OGFOD1: variants seen among roughly 807,000 people sequenced by gnomAD.
The protein encoded by OGFOD1 is 2-oxoglutarate and iron dependent oxygenase domain containing 1, also known as prolyl 3-hydroxylase OGFOD1.
Under a neutral mutation model 67.7 loss-of-function variants are expected in OGFOD1, and 54 were observed. That is an observed-to-expected ratio of 0.80 (90% confidence interval 0.64 to 1.00). OGFOD1 has a LOEUF of 1.00. Among genes scored for constraint, OGFOD1 ranks in the 50% least tolerant of loss-of-function variants. OGFOD1 has a pLI of 0.00. For synonymous variants in OGFOD1, 221 were observed against 227.0 expected, an observed-to-expected ratio of 0.97 and a Z score of 0.24; for missense variants, 606 against 646.7, an observed-to-expected ratio of 0.94 and a Z score of 0.68.
intron 2 of OGFOD1, among the ~76,000 whole-genome samples, chr16:56,454,329 CAA>C (rs1432044479): frequency 1.3e-5 from 2 of 152,082 alleles, no homozygotes; most frequent in Non-Finnish European, 2.9e-5. Flanking sequence ...ACCTGGGCCA[CAA>C]GAGCAAAATA....
chr16:56,474,417 C>T (rs113381687), intron 10 of OGFOD1, among the ~76,000 whole-genome samples: 11,622 of 150,516 alleles, frequency 0.077, 666 homozygotes, highest in East Asian at 0.16. Context: ...GCCACCCGGG[C>T]TCAAGCAACT....
chr16:56,454,309 T>C lies in OGFOD1; in HGVS notation c.300+901T>C, dbSNP rs369687919. Among the ~76,000 whole-genome samples the C allele has an allele frequency of 4.6e-5, 7 of 152,088 alleles. No individual in the cohort carries two copies. The East Asian group carries it at 1.3e-3, about 29-fold the overall frequency. ...GTTGCAGTGAGCCAAGATCACATCATTGCACTCCAACCTGGGCCACAAGAG... is the reference window on the plus strand; with the variant it reads ...GTTGCAGTGAGCCAAGATCACATCACTGCACTCCAACCTGGGCCACAAGAG... On this transcript the variant is annotated intron_variant, in intron 2 of 12. Coordinates refer to ENST00000566157, the MANE Select transcript of OGFOD1 (RefSeq NM_018233.4).
chr16:56,478,447 T>C lies in OGFOD1; in HGVS notation c.*2242T>C, dbSNP rs1374978684. ...TGCGAATACTGTTACTAATGGTTAA[T>C]GTCACAGCTTGCCTTTTCTATATTC... is the stretch of plus-strand genomic sequence containing the variant. On this transcript the variant is annotated 3_prime_UTR_variant, in exon 13 of 13. Coordinates refer to ENST00000566157, the MANE Select transcript of OGFOD1 (RefSeq NM_018233.4). 13 of 152,354 alleles carry C rather than the reference T, an allele frequency of 8.5e-5. No homozygotes were observed. The highest frequency in any genetic ancestry group is 3.1e-4 in the African/African-American group (13 of 41,582). 9.4% of individuals were successfully genotyped at this position (152,354 alleles called of 1,614,324 possible). A position where few individuals can be genotyped will look rare whatever the true frequency, so the allele number is the denominator to read the frequency against.
chr16:56,476,389 T>A lies in OGFOD1; in HGVS notation c.*184T>A. ...CCGAGACCTTGAGCTTGCAGCTAAGTACTTATCTCTTGATTAAAAAAAAAA... is the reference window on the plus strand; with the variant it reads ...CCGAGACCTTGAGCTTGCAGCTAAGAACTTATCTCTTGATTAAAAAAAAAA... On this transcript the variant is annotated 3_prime_UTR_variant, in exon 13 of 13. Transcript: ENST00000566157. 2.5e-6 allele frequency: 1 copy of A among 397,352 alleles called. No homozygotes were observed. The highest frequency in any genetic ancestry group is 3.8e-5 in the East Asian group (1 of 26,354). 24.6% of individuals were successfully genotyped at this position (397,352 alleles called of 1,614,324 possible). A position where few individuals can be genotyped will look rare whatever the true frequency, so the allele number is the denominator to read the frequency against.
Position 56,476,123 on chromosome 16 carries a change from T to C in OGFOD1, c.1547T>C (p.Ile516Thr), listed in dbSNP as rs1963463575. 3 of 1,613,886 alleles carry C rather than the reference T, an allele frequency of 1.9e-6. No individual in the cohort carries two copies. The Admixed American group carries it at 5.0e-5, about 27-fold the overall frequency. ...GAGACTCTGAAATTTGTCAAGCATA[T>C]TAACCACCGAAGCCTGGAACAAAAG... ...DRETLKFVKHINHRSLEQKKT... is the reference protein window; with the variant it reads ...DRETLKFVKHTNHRSLEQKKT... Residue 516 changes from isoleucine (I) to threonine (T), a missense_variant, in exon 13 of 13, where the codon ATT (isoleucine) becomes ACT (threonine). Coordinates refer to ENST00000566157, the MANE Select transcript of OGFOD1 (RefSeq NM_018233.4).
chr16:56,462,503 A>G, intron 3 of OGFOD1, 31 bp from the exon 4 acceptor site: 2 of 1,428,844 alleles, frequency 1.4e-6, no homozygotes, highest in Non-Finnish European at 2.0e-6. Flanking sequence ...ACACTGTGGC[A>G]TAACAAGTTA....
chr16:56,468,553 C>T (rs1007602489), intron 8 of OGFOD1, among the ~76,000 whole-genome samples: 3 of 152,042 alleles, frequency 2.0e-5, no homozygotes, highest in Non-Finnish European at 4.4e-5. Context: ...GAAACCCCAT[C>T]TCTACTAGAA....
At position 56,466,906 on chromosome 16, in the gene OGFOD1, C is replaced by G. The variant is rs1453855320; in HGVS notation, c.596C>G (p.Ser199Cys). Residue 199 changes from serine to cysteine, a missense_variant, in exon 6 of 13, where the codon TCT becomes TGT. Coordinates refer to ENST00000566157, the MANE Select transcript of OGFOD1 (RefSeq NM_018233.4). ...EHFQPKQIVK[S>C]LIPSWNKLVF... The stretch of plus-strand genomic sequence containing the variant: ...TTTCAGCCGAAGCAGATTGTCAAGT[C>G]TCTTATCCCTTCGTGGAACAAACTG... 1 of 1,613,786 alleles carries G rather than the reference C, an allele frequency of 6.2e-7. No homozygotes were observed. The highest frequency in any genetic ancestry group is 8.5e-7 in the Non-Finnish European group (1 of 1,179,824).
intron 3 of OGFOD1, among the ~76,000 whole-genome samples, chr16:56,461,032 T>C (rs1456547209): frequency 6.6e-6 from 1 of 152,256 alleles, no homozygotes; most frequent in Non-Finnish European, 1.5e-5. Context: ...ATTTCACTCA[T>C]TATTATGCAT....
At chr16:56,468,761 T>G (rs1963014936) in intron 8 of OGFOD1, among the ~76,000 whole-genome samples, 1 of 151,866 alleles carries the variant, frequency 6.6e-6, no homozygotes, top group South Asian at 2.1e-4. Flanking sequence ...AAACTTATTC[T>G]CATGCCCTGG....
chr16:56,458,682 A>G, intron 3 of OGFOD1, 88 bp downstream of exon 3: 1 of 1,113,376 alleles, frequency 9.0e-7, no homozygotes, highest in Non-Finnish European at 1.4e-6. Flanking sequence ...TGTATGTCAT[A>G]TAATTCTTGT....
intron 1 of OGFOD1, 135 bp downstream of exon 1, chr16:56,451,901 A>G (rs1226570117): frequency 2.1e-6 from 2 of 933,514 alleles, no homozygotes; most frequent in African/African-American, 3.3e-5. Context: ...GCCACCTCCT[A>G]CTCTCCTGCC....
rs181411886 is a variant in OGFOD1 at position 56,478,153 on chromosome 16, G to A, written c.*1948G>A. The A allele has an allele frequency of 1.3e-5, 2 of 151,964 alleles. No individual in the cohort carries two copies. The highest frequency in any genetic ancestry group is 3.9e-4 in the East Asian group (2 of 5,156). 9.4% of individuals were successfully genotyped at this position (151,964 alleles called of 1,614,324 possible). ...AACCATTTTACACCATACTATTTTG[G>A]AGACCACAATTTTTTTTGCGTTTGA... On this transcript the variant is annotated 3_prime_UTR_variant, in exon 13 of 13. Transcript: ENST00000566157.
rs1350411200 is a variant in OGFOD1, at chr16:56,467,976, GT to G, written c.861del (p.Phe287LeufsTer9). ...MDYQVQIQEE[F>X]EESSEILLKE... The stretch of plus-strand genomic sequence containing the variant: ...ATTACCAAGTTCAAATTCAAGAAGA[GT>G]TTGAAGAAAGTTCTGAAATTCTCCT... On this transcript the variant is annotated frameshift_variant, in exon 8 of 13. Transcript: ENST00000566157. LOFTEE classifies it high-confidence loss of function. 6.2e-7 allele frequency: 1 copy of G among 1,603,956 alleles called. No individual in the cohort carries two copies. The highest frequency in any genetic ancestry group is 8.5e-7 in the Non-Finnish European group (1 of 1,170,770).
At chr16:56,452,755 G>A (rs1458505044) in intron 1 of OGFOD1, among the ~76,000 whole-genome samples, 2 of 152,204 alleles carry the variant, frequency 1.3e-5, no homozygotes, top group African/African-American at 4.8e-5. Context: ...CCAGCCGGAA[G>A]CAGTGGGTAA....
chr16:56,475,653 A>G (rs556429459), intron 12 of OGFOD1, 88 bp downstream of exon 12: 2 of 1,042,056 alleles, frequency 1.9e-6, no homozygotes, highest in South Asian at 2.6e-5. Context: ...ACCTTCTACC[A>G]GTGTCTTTAG....
chr16:56,469,347 C>G (rs1768864579), intron 8 of OGFOD1, among the ~76,000 whole-genome samples: 1 of 152,162 alleles, frequency 6.6e-6, no homozygotes, highest in African/African-American at 2.4e-5. Context: ...TTTTTATCCT[C>G]AAAACATCTT....
At chr16:56,462,660 T>A in intron 4 of OGFOD1, 26 bp downstream of exon 4, 2 of 1,363,400 alleles carry the variant, frequency 1.5e-6, no homozygotes, top group Non-Finnish European at 2.1e-6. Flanking sequence ...GCCTGGTGTC[T>A]GTAAGATATA....
chr16:56,452,407 C>G (rs1361714449), intron 1 of OGFOD1, among the ~76,000 whole-genome samples: 2 of 152,182 alleles, frequency 1.3e-5, no homozygotes, highest in Non-Finnish European at 2.9e-5. Flanking sequence ...CGCGCTTTGA[C>G]CAAGGAAAGG....
Sources: gnomAD v4.1 joint callset for allele counts (sites outside exome capture counted in the v4.1 genomes callset) on GRCh38, gnomAD v4.1.1 for gene constraint, MANE v1.5 for transcripts, NCBI Gene and HGNC (gene_info 2026-07-23, HGNC 2026-07-21) for gene names.